The following FNIP1 variants were observed in gnomAD, a reference collection of about 807,000 sequenced individuals.
FNIP1 encodes folliculin interacting protein 1.
A neutral mutation model predicts 124.5 loss-of-function variants in FNIP1; 40 were observed. The ratio of observed to expected loss-of-function variants is 0.32; its 90% confidence interval spans 0.25 to 0.42. The LOEUF (loss-of-function observed/expected upper bound fraction) is 0.42, where lower values mean the gene tolerates loss of function less well. Ranked by LOEUF, FNIP1 falls within the 10% of genes least tolerant of loss-of-function variation. The pLI is 1.00. For synonymous variants in FNIP1, 472 were observed against 470.6 expected (o/e 1.00, Z -0.04); for missense variants, 1,176 against 1,403.7 (o/e 0.84, Z 2.59).
chr5:131,704,265 A>C lies in FNIP1; in HGVS notation c.916T>G (p.Ser306Ala), dbSNP rs763445247. 2 of 1,567,534 alleles carry C rather than the reference A, an allele frequency of 1.3e-6. No homozygotes were observed. Among genetic ancestry groups the C allele is most frequent in the African/African-American group, 2.8e-5 (2 of 72,396 alleles). Residue 306 changes from serine (S) to alanine (A), a missense_variant and splice_region_variant, in exon 10 of 18, where the codon TCT (serine) becomes GCT (alanine). By Grantham distance (99) the Ser-to-Ala change is moderately conservative. Around this residue, in one of 2 missense-constraint regions of FNIP1, gnomAD observed 1,109 missense variants for 1,288.5 expected, o/e 0.86. Coordinates refer to ENST00000510461, the MANE Select transcript of FNIP1 (RefSeq NM_133372.3). ...SLENGVFPRW[S>A]IEESFNLSDE... Reference sequence around the variant, plus strand: ...GAGAGATTAAAGCTTTCTTCTATAGACCTTAAAAATAAATGATTTTTTATT... The same window carrying C: ...GAGAGATTAAAGCTTTCTTCTATAGCCCTTAAAAATAAATGATTTTTTATT...
chr5:131,720,082 C>T (rs1454150705), intron 3 of FNIP1, among the ~76,000 whole-genome samples: 1 of 152,170 alleles, frequency 6.6e-6, no homozygotes, highest in African/African-American at 2.4e-5. Flanking sequence ...GGGCATTACA[C>T]TTCCTGATTT....
chr5:131,739,061 C>T (rs1029534705), intron 2 of FNIP1, among the ~76,000 whole-genome samples: 4 of 152,000 alleles, frequency 2.6e-5, no homozygotes, highest in Non-Finnish European at 5.9e-5. Context: ...AGTAATTCAC[C>T]CATGTTGACC....
intron 2 of FNIP1, 59 bp from the exon 3 acceptor site, chr5:131,731,097 C>A (rs1770073637): frequency 1.3e-6 from 2 of 1,499,424 alleles, no homozygotes; most frequent in Admixed American, 2.3e-5. Context: ...ATACAAATTT[C>A]ATCAAAGTAT....
At chr5:131,767,962 C>T (rs1259966025) in intron 1 of FNIP1, among the ~76,000 whole-genome samples, 1 of 151,954 alleles carries the variant, frequency 6.6e-6, no homozygotes, top group Non-Finnish European at 1.5e-5. Flanking sequence ...ACAATAAATT[C>T]AACTATACTC....
chr5:131,704,857 T>C (rs1364368895), intron 9 of FNIP1, among the ~76,000 whole-genome samples: 1 of 152,096 alleles, frequency 6.6e-6, no homozygotes, highest in Non-Finnish European at 1.5e-5. Flanking sequence ...AAAGGCATCA[T>C]GCATCATGAC....
intron 6 of FNIP1, among the ~76,000 whole-genome samples, chr5:131,712,990 C>T (rs1769347139): frequency 6.6e-6 from 1 of 152,128 alleles, no homozygotes; most frequent in Non-Finnish European, 1.5e-5. Context: ...ACACTGTAAA[C>T]TTTTTTCCCA....
chr5:131,654,283 A>T (rs1167781249), intron 15 of FNIP1, among the ~76,000 whole-genome samples: 1 of 151,682 alleles, frequency 6.6e-6, no homozygotes, highest in Non-Finnish European at 1.5e-5. Flanking sequence ...AAAGGTAAGG[A>T]TTTTTTTTTA....
At chr5:131,708,177 A>C (rs1487584435) in intron 8 of FNIP1, among the ~76,000 whole-genome samples, 1 of 152,208 alleles carries the variant, frequency 6.6e-6, no homozygotes, top group Non-Finnish European at 1.5e-5. Flanking sequence ...AGGTTACACG[A>C]GAGTCTTTGA....
chr5:131,736,136 C>A (rs1354439098), intron 2 of FNIP1, among the ~76,000 whole-genome samples: 1 of 152,100 alleles, frequency 6.6e-6, no homozygotes, highest in Middle Eastern at 3.2e-3. Flanking sequence ...AAGTCAGGCA[C>A]TTCACTAGGT....
chr5:131,727,138 G>C (rs758269016), intron 3 of FNIP1, among the ~76,000 whole-genome samples: 1 of 152,160 alleles, frequency 6.6e-6, no homozygotes, highest in Non-Finnish European at 1.5e-5. Context: ...ATTTGGGGTG[G>C]AGAGTTCTGC....
In FNIP1 at chr5:131,766,291, C is replaced by T. The variant is rs574814775; in HGVS notation, c.93-21601G>A. ...TCCTGGTCTCAATCAATCCTCCTGC[C>T]TTGGCTTCCCAAAGTGCTGAGATTA... On this transcript the variant is annotated intron_variant, in intron 1 of 17. Coordinates refer to ENST00000510461, the MANE Select transcript of FNIP1 (RefSeq NM_133372.3). Among the ~76,000 whole-genome samples, 837 of 152,136 alleles carry T rather than the reference C, an allele frequency of 5.5e-3. 5 individuals are homozygous for T. The highest frequency in any genetic ancestry group is 0.018 in the African/African-American group (750 of 41,496).
intron 6 of FNIP1, among the ~76,000 whole-genome samples, chr5:131,714,244 T>C (rs149699333): frequency 6.6e-6 from 1 of 152,136 alleles, no homozygotes; most frequent in African/African-American, 2.4e-5. Flanking sequence ...TTGAACTGTA[T>C]AGCGGGCTGA....
At chr5:131,710,540 G>T (rs1384967281) in intron 7 of FNIP1, 38 bp downstream of exon 7, 2 of 1,587,144 alleles carry the variant, frequency 1.3e-6, no homozygotes, top group Admixed American at 1.8e-5. Flanking sequence ...AGCCGTTGGG[G>T]CACACCAACT....
intron 1 of FNIP1, among the ~76,000 whole-genome samples, chr5:131,768,763 C>CA (rs567660694): frequency 7.0e-4 from 107 of 152,304 alleles, no homozygotes; most frequent in Middle Eastern, 3.4e-3. Context: ...TGTGCCACTG[C>CA]ACTCCAGCGT....
intron 2 of FNIP1, among the ~76,000 whole-genome samples, chr5:131,734,827 G>T (rs1325609728): frequency 6.6e-6 from 1 of 152,204 alleles, no homozygotes; most frequent in Non-Finnish European, 1.5e-5. Context: ...TGGAGAGGAT[G>T]TGGAGAAATA....
intron 11 of FNIP1, among the ~76,000 whole-genome samples, chr5:131,696,492 A>G (rs999544890): frequency 6.6e-6 from 1 of 152,160 alleles, no homozygotes; most frequent in Admixed American, 6.5e-5. Flanking sequence ...CAGTGTCCCA[A>G]AATGAAAAAG....
At chr5:131,788,238 GA>G in intron 1 of FNIP1, among the ~76,000 whole-genome samples, 1 of 152,146 alleles carries the variant, frequency 6.6e-6, no homozygotes, top group East Asian at 1.9e-4. Context: ...GGTGGTCCCA[GA>G]AACAGAAACA....
At chr5:131,724,973 CTTGT>C (rs1222018162) in intron 3 of FNIP1, among the ~76,000 whole-genome samples, 3 of 152,138 alleles carry the variant, frequency 2.0e-5, no homozygotes, top group Non-Finnish European at 2.9e-5. Context: ...TTCCCCATTG[CTTGT>C]TTTTGTCAGG....
chr5:131,671,421 T>C, intron 14 of FNIP1, 84 bp downstream of exon 14: 1 of 1,124,710 alleles, frequency 8.9e-7, no homozygotes, highest in Non-Finnish European at 1.3e-6. Context: ...TGATCTCTTT[T>C]ATACTAACCT....
Sources: allele counts gnomAD v4.1 joint callset (sites outside exome capture counted in the v4.1 genomes callset), GRCh38; gene constraint gnomAD v4.1.1; regional missense constraint gnomAD v4.1.1; transcripts MANE v1.5; gene names NCBI Gene and HGNC (gene_info 2026-07-23, HGNC 2026-07-21).